The following ITPKB variants were observed in gnomAD, a reference collection of about 807,000 sequenced individuals.
ITPKB encodes IP3 3-kinase B.
ITPKB carries 13 observed loss-of-function variants against 69.4 expected under a neutral mutation model. That is an observed-to-expected ratio of 0.19 (90% confidence interval 0.12 to 0.30). The LOEUF is 0.30. ITPKB is among the 10% of genes least tolerant of loss of function. The pLI, the probability that ITPKB is intolerant of heterozygous loss-of-function variation, is 1.00. For synonymous variants in ITPKB, 584 were observed against 513.7 expected (o/e 1.14, Z -1.85); for missense variants, 1,240 against 1,250.5 (o/e 0.99, Z 0.13).
intron 2 of ITPKB, among the ~76,000 whole-genome samples, chr1:226,662,733 CT>C (rs1669423114): frequency 1.3e-5 from 2 of 152,202 alleles, no homozygotes; most frequent in African/African-American, 4.8e-5. Context: ...CACATGACGG[CT>C]TATAAGCAGT....
intron 2 of ITPKB, among the ~76,000 whole-genome samples, chr1:226,728,465 C>T (rs1454210338): frequency 6.6e-6 from 1 of 152,144 alleles, no homozygotes; most frequent in African/African-American, 2.4e-5. Flanking sequence ...CAAGTCATTC[C>T]GTATCAGACA....
At chr1:226,723,154 C>T (rs930470662) in intron 2 of ITPKB, among the ~76,000 whole-genome samples, 3 of 152,088 alleles carry the variant, frequency 2.0e-5, no homozygotes, top group South Asian at 2.1e-4. Context: ...CTGGTGTGCT[C>T]GGGGTTCATC....
chr1:226,639,223 A>C (rs1668902369), intron 6 of ITPKB, among the ~76,000 whole-genome samples: 1 of 152,048 alleles, frequency 6.6e-6, no homozygotes, highest in Non-Finnish European at 1.5e-5. Context: ...ATGTCCGGCT[A>C]ATTTTTGTGT....
intron 2 of ITPKB, among the ~76,000 whole-genome samples, chr1:226,728,731 C>A (rs1195973892): frequency 2.0e-5 from 3 of 152,206 alleles, no homozygotes; most frequent in Non-Finnish European, 4.4e-5. Context: ...CTTTTATAAA[C>A]ATGACATAAT....
intron 4 of ITPKB, among the ~76,000 whole-genome samples, chr1:226,645,569 C>T (rs977373376): frequency 2.6e-5 from 4 of 152,162 alleles, no homozygotes; most frequent in Non-Finnish European, 5.9e-5. Flanking sequence ...CTTTTTTGGC[C>T]AGGTCTGAGT....
intron 2 of ITPKB, among the ~76,000 whole-genome samples, chr1:226,649,584 T>C (rs1669146353): frequency 6.6e-6 from 1 of 152,112 alleles, no homozygotes; most frequent in Admixed American, 6.6e-5. Context: ...AGTGTGTGCG[T>C]GTGCATGTGT....
chr1:226,682,179 A>G (rs2102774667), intron 2 of ITPKB, among the ~76,000 whole-genome samples: 1 of 151,888 alleles, frequency 6.6e-6, no homozygotes, highest in East Asian at 1.9e-4. Flanking sequence ...CCCCGCCCCG[A>G]GATTCTGGCT....
intron 2 of ITPKB, among the ~76,000 whole-genome samples, chr1:226,673,855 C>T (rs910943230): frequency 1.6e-4 from 25 of 152,322 alleles, no homozygotes; most frequent in Middle Eastern, 6.8e-3. Context: ...GCAGGACACT[C>T]CTGCTACAGA....
chr1:226,678,681 G>A (rs1263786023), intron 2 of ITPKB, among the ~76,000 whole-genome samples: 2 of 152,134 alleles, frequency 1.3e-5, no homozygotes, highest in African/African-American at 2.4e-5. Context: ...TATCAGTCCT[G>A]GCCAGAGAGA....
intron 2 of ITPKB, among the ~76,000 whole-genome samples, chr1:226,705,529 C>CAAA (rs11290798): frequency 0.016 from 1,921 of 120,436 alleles, 51 homozygotes; most frequent in African/African-American, 0.059. Context: ...AACGCCATCT[C>CAAA]AAAAAAAAAA....
Position 226,631,826 on chromosome 1 carries a change from G to C in ITPKB, c.*2845C>G, listed in dbSNP as rs866557346. The stretch of plus-strand genomic sequence containing the variant: ...AGGAAGAGAGCCTCTCGGCAGGCGG[G>C]GGGGGTCCTCTCCTCCAGAACAAAA... On this transcript the variant is annotated 3_prime_UTR_variant, in exon 8 of 8. Transcript: ENST00000429204. 2 of 152,598 alleles carry C rather than the reference G, an allele frequency of 1.3e-5. No individual in the cohort carries two copies. Among genetic ancestry groups the C allele is most frequent in the East Asian group, 3.9e-4 (2 of 5,176 alleles). 9.5% of individuals were successfully genotyped at this position (152,598 alleles called of 1,614,324 possible).
intron 2 of ITPKB, among the ~76,000 whole-genome samples, chr1:226,653,857 C>T (rs1392862570): frequency 6.6e-6 from 1 of 152,226 alleles, no homozygotes; most frequent in African/African-American, 2.4e-5. Context: ...GGTGGCTGCA[C>T]TCCTGGTTAC....
In ITPKB at chr1:226,735,957, A is replaced by C; in HGVS notation, c.1502T>G (p.Val501Gly). Residue 501 changes from valine to glycine, a missense_variant, in exon 2 of 8, where the codon GTG (valine) becomes GGG (glycine). Coordinates refer to ENST00000429204, the MANE Select transcript of ITPKB (RefSeq NM_002221.4). ...CCAAACCCTGGAGTTCCCAGGCTGC[A>C]CACCCACCCTGTCCCCAGGAGGGCA... is the stretch of plus-strand genomic sequence containing the variant. ...PQCPPGDRVG[V>G]QPGNSRVWQG... 6.2e-7 allele frequency: 1 copy of C among 1,614,004 alleles called. No individual in the cohort carries two copies. The highest frequency in any genetic ancestry group is 1.1e-5 in the South Asian group (1 of 91,078).
chr1:226,729,933 A>C (rs1657539065), intron 2 of ITPKB, among the ~76,000 whole-genome samples: 1 of 152,154 alleles, frequency 6.6e-6, no homozygotes, highest in Non-Finnish European at 1.5e-5. Context: ...ACAGAGGCCT[A>C]ACTTCCTAAT....
intron 2 of ITPKB, among the ~76,000 whole-genome samples, chr1:226,672,673 T>A (rs374945158): frequency 1.3e-5 from 2 of 152,274 alleles, no homozygotes; most frequent in Admixed American, 1.3e-4. Flanking sequence ...TCTAAAGGCC[T>A]AAGGATCTCA....
rs1669112173 is a variant in ITPKB at position 226,648,732 on chromosome 1, A to G, written c.1972T>C (p.Ser658Pro). ...WRKIKNMVHW[S>P]PFVMSFKKKY... ...TTCTTGAAGGACATGACGAAGGGAG[A>G]CCAGTGCACCATGTTTTTTATCTTC... The change falls in exon 3 of 8, where the codon TCT (serine) becomes CCT (proline). Residue 658 changes from serine to proline, a missense_variant. Coordinates refer to ENST00000429204, the MANE Select transcript of ITPKB (RefSeq NM_002221.4). 6.2e-7 allele frequency: 1 copy of G among 1,612,892 alleles called. No individual in the cohort carries two copies. The highest frequency in any genetic ancestry group is 8.5e-7 in the Non-Finnish European group (1 of 1,178,940).
chr1:226,715,561 C>G (rs1657075184), intron 2 of ITPKB, among the ~76,000 whole-genome samples: 1 of 152,162 alleles, frequency 6.6e-6, no homozygotes, highest in South Asian at 2.1e-4. Flanking sequence ...TAACTTGAAT[C>G]AAAATGAACT....
chr1:226,664,444 G>A (rs1017939827), intron 2 of ITPKB, among the ~76,000 whole-genome samples: 1 of 148,254 alleles, frequency 6.7e-6, no homozygotes, highest in Non-Finnish European at 1.5e-5. Flanking sequence ...GCTGTGTGCC[G>A]GGCAGTACAC....
In ITPKB at chr1:226,735,787, T is replaced by G. The variant is rs1427856557; in HGVS notation, c.1672A>C (p.Arg558=). 1.2e-5 allele frequency: 20 copies of G among 1,602,168 alleles called. No homozygotes were observed. Among genetic ancestry groups the G allele is most frequent in the Non-Finnish European group, 1.6e-5 (19 of 1,170,820 alleles). Residue 558 remains arginine, a synonymous_variant, in exon 2 of 8, where the codon AGG becomes CGG. Transcript: ENST00000429204. ...ATGTTGCTGGGGCTGCAGGCCTTCC[T>G]CAGGAAAGGCTTGTCCGGATCTTGG... The part of the protein sequence containing the change: ...LPQDPDKPFL[R]KACSPSNIPA...
Sources: gnomAD v4.1 joint callset for allele counts (sites outside exome capture counted in the v4.1 genomes callset) on GRCh38, gnomAD v4.1.1 for gene constraint, MANE v1.5 for transcripts, NCBI Gene and HGNC (gene_info 2026-07-23, HGNC 2026-07-21) for gene names.